The following MAGI2 variants were observed in gnomAD, a reference collection of about 807,000 sequenced individuals.
MAGI2 encodes the protein membrane-associated guanylate kinase, WW and PDZ domain-containing protein 2.
In MAGI2, 35 loss-of-function variants were observed where a neutral mutation model predicts 133.3. The observed-to-expected ratio is 0.26, with a 90% CI of 0.20 to 0.35. The LOEUF is 0.35. MAGI2 is among the 10% of genes least tolerant of loss of function. MAGI2 has a pLI of 1.00. For synonymous variants in MAGI2, 729 were observed against 710.6 expected (o/e 1.03, Z -0.41); for missense variants, 1,636 against 1,863.4 (o/e 0.88, Z 2.25).
chr7:78,622,196 G>T (rs890072622), intron 3 of MAGI2, among the ~76,000 whole-genome samples: 1 of 151,942 alleles, frequency 6.6e-6, no homozygotes, highest in African/African-American at 2.4e-5. Context: ...CTGGTTTGTG[G>T]GTTAGATTCT....
chr7:79,200,747 C>T (rs1828542373), intron 1 of MAGI2, among the ~76,000 whole-genome samples: 2 of 151,976 alleles, frequency 1.3e-5, no homozygotes, highest in South Asian at 4.1e-4. Context: ...CAATTGGTAA[C>T]AGTGACAAGA....
At chr7:78,364,453 A>C (rs1793168363) in intron 7 of MAGI2, among the ~76,000 whole-genome samples, 1 of 152,240 alleles carries the variant, frequency 6.6e-6, no homozygotes, top group Non-Finnish European at 1.5e-5. Flanking sequence ...TAAATGTTAC[A>C]TTCAAGATAT....
intron 2 of MAGI2, among the ~76,000 whole-genome samples, chr7:78,915,733 A>C (rs1798744889): frequency 6.6e-6 from 1 of 151,358 alleles, no homozygotes; most frequent in African/African-American, 2.4e-5. Flanking sequence ...TCTTTTTTTA[A>C]GAAGAAGAGT....
At position 79,360,881 on chromosome 7, in the gene MAGI2, T is replaced by A. The variant is rs1162901765; in HGVS notation, c.301+92139A>T. 2.0e-5 allele frequency among the ~76,000 whole-genome samples: 3 copies of A among 152,244 alleles called. No homozygotes were observed. The East Asian group carries it at 5.8e-4, about 29-fold the overall frequency. ...GGTAGATTTAAATGCTAACATATTA[T>A]TAGTTATGTTAAATATAAATACAAA... On this transcript the variant is annotated intron_variant, in intron 1 of 21. Coordinates refer to ENST00000354212, the MANE Select transcript of MAGI2 (RefSeq NM_012301.4).
At chr7:78,401,161 T>G (rs1392153686) in intron 6 of MAGI2, among the ~76,000 whole-genome samples, 8 of 149,024 alleles carry the variant, frequency 5.4e-5, no homozygotes, top group African/African-American at 2.0e-4. Flanking sequence ...ACAAAATTCC[T>G]GGAGACTGAA....
chr7:79,180,145 C>A (rs374231145), intron 1 of MAGI2, among the ~76,000 whole-genome samples: 1 of 151,944 alleles, frequency 6.6e-6, no homozygotes, highest in South Asian at 2.1e-4. Context: ...TATAAATGAG[C>A]AACAGGTATA....
chr7:78,052,683 T>A (rs1406185968), intron 21 of MAGI2, among the ~76,000 whole-genome samples: 2 of 152,224 alleles, frequency 1.3e-5, no homozygotes, highest in African/African-American at 4.8e-5. Context: ...AATACTTTAA[T>A]AATTTACTTT....
At chr7:79,016,756 T>A (rs548589919) in intron 1 of MAGI2, among the ~76,000 whole-genome samples, 67 of 152,260 alleles carry the variant, frequency 4.4e-4, no homozygotes, top group African/African-American at 1.6e-3. Flanking sequence ...GCATGGAAAC[T>A]GGAGACTGTC....
intron 1 of MAGI2, among the ~76,000 whole-genome samples, chr7:79,031,052 T>A (rs1247368171): frequency 1.3e-5 from 2 of 152,182 alleles, no homozygotes; most frequent in Non-Finnish European, 2.9e-5. Context: ...AAGAGTTAGA[T>A]ATAGCAATCA....
chr7:78,419,457 G>A (rs950618577), intron 6 of MAGI2, among the ~76,000 whole-genome samples: 6 of 151,794 alleles, frequency 4.0e-5, no homozygotes, highest in African/African-American at 1.5e-4. Context: ...ACTGGGATGG[G>A]GTAACATCAT....
intron 3 of MAGI2, among the ~76,000 whole-genome samples, chr7:78,571,239 T>A (rs561271484): frequency 6.6e-6 from 1 of 152,274 alleles, no homozygotes; most frequent in East Asian, 1.9e-4. Context: ...GAGAGAATAA[T>A]CTAATCAAAT....
At position 78,159,342 on chromosome 7, in the gene MAGI2, C is replaced by G. The variant is rs188112927; in HGVS notation, c.2845+683G>C. Among the ~76,000 whole-genome samples the G allele has an allele frequency of 7.0e-4, 106 of 152,280 alleles. No individual in the cohort carries two copies. In the East Asian group the frequency reaches 0.016, roughly 23 times the overall value. On this transcript the variant is annotated intron_variant, in intron 16 of 21. Transcript: ENST00000354212. Reference sequence around the variant, plus strand: ...ATGCTTCCACTCTTGCTTTCTCCCCCACCCCCAACCCTTTGGTTTCAATTT... The same window carrying G: ...ATGCTTCCACTCTTGCTTTCTCCCCGACCCCCAACCCTTTGGTTTCAATTT...
At chr7:78,503,575 T>TCCC (rs1476688325) in intron 4 of MAGI2, among the ~76,000 whole-genome samples, 1 of 27,634 alleles carries the variant, frequency 3.6e-5, no homozygotes, top group African/African-American at 1.4e-4. Flanking sequence ...CCCCTCCTCC[T>TCCC]CCCCCTCCTC....
At chr7:78,429,682 T>C (rs1799609980) in intron 6 of MAGI2, among the ~76,000 whole-genome samples, 1 of 152,034 alleles carries the variant, frequency 6.6e-6, no homozygotes, top group Admixed American at 6.6e-5. Flanking sequence ...AGAAGGCTTT[T>C]TCTTTTTAAA....
chr7:79,300,305 G>T (rs181524463), intron 1 of MAGI2, among the ~76,000 whole-genome samples: 1 of 152,328 alleles, frequency 6.6e-6, no homozygotes, highest in East Asian at 1.9e-4. Flanking sequence ...GGACAGTGAA[G>T]TCTGGATTGC....
In MAGI2 at chr7:78,019,529, G is replaced by GC; in HGVS notation, c.4153dup (p.Ala1385GlyfsTer56). 1.0e-6 allele frequency: 1 copy of GC among 979,836 alleles called. No individual in the cohort carries two copies. The highest frequency in any genetic ancestry group is 1.2e-6 in the Non-Finnish European group (1 of 827,800). The allele number at this position is 979,836 out of a possible 1,614,324, so 60.7% of individuals were successfully genotyped here. ...GCCCGGGCCGGCAAACGCCGGCGCA[G>GC]CCCCCGGGCCTTCGCGCCGGCAGAG... On this transcript the variant is annotated frameshift_variant, in exon 22 of 22. Coordinates refer to ENST00000354212, the MANE Select transcript of MAGI2 (RefSeq NM_012301.4). LOFTEE classifies it low-confidence loss of function (END_TRUNC).
At chr7:79,143,846 T>A (rs1486715220) in intron 1 of MAGI2, among the ~76,000 whole-genome samples, 2 of 152,158 alleles carry the variant, frequency 1.3e-5, no homozygotes, top group African/African-American at 4.8e-5. Context: ...AACATTAAAA[T>A]GTAAAATAAA....
At chr7:79,300,706 A>G (rs756954042) in intron 1 of MAGI2, among the ~76,000 whole-genome samples, 1 of 152,182 alleles carries the variant, frequency 6.6e-6, no homozygotes, top group Non-Finnish European at 1.5e-5. Flanking sequence ...GATGTGCATA[A>G]TTCAAAAGGA....
intron 2 of MAGI2, among the ~76,000 whole-genome samples, chr7:78,827,119 T>G (rs1191442654): frequency 6.6e-6 from 1 of 152,176 alleles, no homozygotes; most frequent in Non-Finnish European, 1.5e-5. Flanking sequence ...TATAGATGTT[T>G]ATATACACCT....
Sources: allele counts gnomAD v4.1 joint callset (sites outside exome capture counted in the v4.1 genomes callset), GRCh38; gene constraint gnomAD v4.1.1; transcripts MANE v1.5; gene names NCBI Gene and HGNC (gene_info 2026-07-23, HGNC 2026-07-21).